The following SAMD3 variants were observed in gnomAD, a reference collection of about 807,000 sequenced individuals.
SAMD3 encodes sterile alpha motif domain-containing protein 3.
A neutral mutation model predicts 58.5 loss-of-function variants in SAMD3; 63 were observed. The observed-to-expected ratio is 1.08, with a 90% CI of 0.88 to 1.33. The LOEUF is 1.33. Among genes scored for constraint, SAMD3 ranks in the 40% most tolerant of loss-of-function variants. The probability of loss-of-function intolerance (pLI) is 0.00; values close to 1 mark genes in which losing one functional copy is unlikely to be tolerated. For missense variants in SAMD3, 604 were observed against 608.4 expected, an observed-to-expected ratio of 0.99 and a Z score of 0.08; for synonymous variants, 220 against 210.3, an observed-to-expected ratio of 1.05 and a Z score of -0.40.
intron 8 of SAMD3, chr6:130,159,786 T>C (rs1178673730): frequency 6.6e-6 from 1 of 152,022 alleles, no homozygotes; most frequent in African/African-American, 2.4e-5. Context: ...CAAAGGATTT[T>C]TACAAGTAAA....
At chr6:130,214,654 C>T in intron 3 of SAMD3, 128 bp from the exon 4 acceptor site, 1 of 600,296 alleles carries the variant, frequency 1.7e-6, no homozygotes, top group Non-Finnish European at 2.6e-6. Context: ...ATAAATTTAT[C>T]CATATTTTTG....
exon 1 of SAMD3, chr6:130,365,423 T>G: frequency 2.0e-6 from 2 of 985,454 alleles, no homozygotes; most frequent in Non-Finnish European, 2.4e-6. Context: ...GGCCGCGTCT[T>G]TTCCGGCCAG....
chr6:130,304,509 T>C (rs1165033399), intron 2 of SAMD3, among the ~76,000 whole-genome samples: 1 of 152,178 alleles, frequency 6.6e-6, no homozygotes, highest in Non-Finnish European at 1.5e-5. Flanking sequence ...GCTTCTCTCT[T>C]TAGTTCCACT....
intron 2 of SAMD3, among the ~76,000 whole-genome samples, chr6:130,235,048 A>G (rs1349465577): frequency 6.6e-6 from 1 of 152,130 alleles, no homozygotes; most frequent in Non-Finnish European, 1.5e-5. Flanking sequence ...TTGGGAGGTC[A>G]AGGCTGCTGT....
At chr6:130,288,543 T>G (rs919967269) in intron 2 of SAMD3, among the ~76,000 whole-genome samples, 10 of 152,154 alleles carry the variant, frequency 6.6e-5, no homozygotes, top group Admixed American at 6.5e-4. Context: ...ACACATCAAA[T>G]TAATCATCAC....
intron 1 of SAMD3, among the ~76,000 whole-genome samples, chr6:130,341,456 T>C (rs189714093): frequency 2.0e-5 from 3 of 152,344 alleles, no homozygotes; most frequent in East Asian, 1.9e-4. Context: ...AAAATCATAC[T>C]TAACTTGCCT....
At chr6:130,269,027 T>A (rs1233130888) in intron 2 of SAMD3, among the ~76,000 whole-genome samples, 3 of 152,212 alleles carry the variant, frequency 2.0e-5, no homozygotes, top group African/African-American at 7.2e-5. Context: ...GTCTGAGGAT[T>A]ATTTGCCTAG....
chr6:130,184,342 A>G (rs1792720577), intron 6 of SAMD3, 96 bp downstream of exon 6: 2 of 1,283,824 alleles, frequency 1.6e-6, no homozygotes, highest in Non-Finnish European at 2.2e-6. Context: ...CCAATATATC[A>G]TCCACAATCT....
At chr6:130,267,619 C>A (rs1278136531) in intron 2 of SAMD3, among the ~76,000 whole-genome samples, 1 of 152,148 alleles carries the variant, frequency 6.6e-6, no homozygotes, top group Non-Finnish European at 1.5e-5. Context: ...GACCCAAAAC[C>A]AAGGAACCAG....
intron 1 of SAMD3, among the ~76,000 whole-genome samples, chr6:130,356,868 A>C (rs1442765776): frequency 6.6e-6 from 1 of 152,152 alleles, no homozygotes; most frequent in African/African-American, 2.4e-5. Flanking sequence ...AGCCACAATT[A>C]ATTCATATTT....
intron 1 of SAMD3, among the ~76,000 whole-genome samples, chr6:130,352,438 T>C (rs1489505624): frequency 6.6e-6 from 1 of 152,086 alleles, no homozygotes; most frequent in Admixed American, 6.6e-5. Context: ...TTTCTTACTA[T>C]CAATAAAATA....
chr6:130,273,038 AT>A (rs879727071), intron 2 of SAMD3, among the ~76,000 whole-genome samples: 4 of 150,272 alleles, frequency 2.7e-5, no homozygotes, highest in Non-Finnish European at 5.9e-5. Flanking sequence ...TTCTTTATTG[AT>A]TTTTTTATGT....
chr6:130,358,032 A>G (rs1297051144), intron 1 of SAMD3, among the ~76,000 whole-genome samples: 1 of 152,246 alleles, frequency 6.6e-6, no homozygotes, highest in Admixed American at 6.5e-5. Flanking sequence ...AATTTCTCTC[A>G]TAGTAAAAAT....
chr6:130,291,028 C>G (rs4897405), intron 2 of SAMD3, among the ~76,000 whole-genome samples: 42,173 of 151,918 alleles, frequency 0.28, 6,269 homozygotes, highest in East Asian at 0.44. Flanking sequence ...TCTGTCAGAC[C>G]TTTCATTCTG....
rs141973390 is a variant in SAMD3, at chr6:130,152,676, C to CAATA, written c.1023+2145_1023+2148dup. Among the ~76,000 whole-genome samples the CAATA allele has an allele frequency of 4.7e-3, 708 of 151,806 alleles. 3 individuals carry two copies. The highest frequency in any genetic ancestry group is 5.8e-3 in the Non-Finnish European group (394 of 67,908). On this transcript the variant is annotated intron_variant, in intron 9 of 11. Coordinates refer to ENST00000439090, the MANE Select transcript of SAMD3 (RefSeq NM_001017373.4). ...TGGGCGACAAAGTAAGACTCTGTCT[C>CAATA]AATAAATAAATAAATAAATAAATAA...
At chr6:130,286,125 T>C (rs1378444787) in intron 2 of SAMD3, 1 of 152,238 alleles carries the variant, frequency 6.6e-6, no homozygotes, top group East Asian at 1.9e-4. Context: ...TAGGATCAGA[T>C]AGTGATAAGA....
intron 2 of SAMD3, among the ~76,000 whole-genome samples, chr6:130,252,570 G>A (rs542649741): frequency 6.6e-6 from 1 of 152,264 alleles, no homozygotes; most frequent in Non-Finnish European, 1.5e-5. Flanking sequence ...TTAAATTTCC[G>A]TAAAAACTTC....
intron 7 of SAMD3, among the ~76,000 whole-genome samples, chr6:130,178,996 T>A (rs1360627019): frequency 6.6e-6 from 1 of 152,168 alleles, no homozygotes; most frequent in Non-Finnish European, 1.5e-5. Flanking sequence ...GTATTTTTCT[T>A]AGCCATGAAA....
chr6:130,145,471 A>G (rs1257112837), intron 10 of SAMD3, 49 bp from the exon 11 acceptor site: 1 of 1,319,518 alleles, frequency 7.6e-7, no homozygotes, highest in Non-Finnish European at 1.1e-6. Flanking sequence ...AGCTTTTAGC[A>G]ATTGTAAGCT....
Sources: gnomAD v4.1 joint callset for allele counts (sites outside exome capture counted in the v4.1 genomes callset) on GRCh38, gnomAD v4.1.1 for gene constraint, MANE v1.5 for transcripts, NCBI Gene and HGNC (gene_info 2026-07-23, HGNC 2026-07-21) for gene names.